The following CCDC174 variants were observed in gnomAD, a reference collection of about 807,000 sequenced individuals.
CCDC174 encodes coiled-coil domain containing 174.
CCDC174 carries 37 observed loss-of-function variants against 57.1 expected under a neutral mutation model. That is an observed-to-expected ratio of 0.65 (90% CI 0.50 to 0.85). CCDC174 has a LOEUF of 0.85. Ranked by LOEUF, CCDC174 falls within the 40% of genes least tolerant of loss-of-function variation. The pLI is 0.00. For missense variants in CCDC174, 540 were observed against 574.3 expected, an observed-to-expected ratio of 0.94 and a Z score of 0.61; for synonymous variants, 182 against 190.2, an observed-to-expected ratio of 0.96 and a Z score of 0.35.
intron 5 of CCDC174, among the ~76,000 whole-genome samples, chr3:14,664,782 C>T (rs2031259984): frequency 6.6e-6 from 1 of 152,186 alleles, no homozygotes; most frequent in Non-Finnish European, 1.5e-5. Context: ...TCTGTGAGAT[C>T]AAAGGCATAA....
chr3:14,670,131 GA>G, intron 10 of CCDC174, 45 bp downstream of exon 10: 1 of 1,565,028 alleles, frequency 6.4e-7, no homozygotes, highest in South Asian at 1.2e-5. Flanking sequence ...CCAGTGAATG[GA>G]AAATGGTTTT....
chr3:14,654,445 A>C lies in CCDC174; in HGVS notation c.62A>C (p.Glu21Ala). 1.9e-6 allele frequency: 3 copies of C among 1,604,212 alleles called. No homozygotes were observed. Among genetic ancestry groups the C allele is most frequent in the Non-Finnish European group, 1.7e-6 (2 of 1,174,604 alleles). The stretch of plus-strand genomic sequence containing the variant: ...TTCTAGTTGGTAGATCTTAAGGCTG[A>C]ACTCTTCCGAAAGCAAGAAGAATTC... ...TASSLVDLKA[E>A]LFRKQEEFKQ... is the part of the protein sequence containing the mutation. Residue 21 changes from glutamate (E) to alanine (A), a missense_variant, in exon 2 of 11, where the codon GAA becomes GCA. Coordinates refer to ENST00000383794, the MANE Select transcript of CCDC174 (RefSeq NM_016474.5).
chr3:14,659,938 A>G (rs1275253309), intron 4 of CCDC174, among the ~76,000 whole-genome samples: 2 of 152,184 alleles, frequency 1.3e-5, no homozygotes, highest in Non-Finnish European at 2.9e-5. Context: ...CACCTAGCCT[A>G]GCATGGCTGG....
chr3:14,651,986 C>A, intron 1 of CCDC174, 108 bp downstream of exon 1: 1 of 1,090,082 alleles, frequency 9.2e-7, no homozygotes, highest in Non-Finnish European at 1.4e-6. Context: ...AGAGACCTGA[C>A]CTCTCCCCTC....
At chr3:14,669,098 A>G (rs987681139) in intron 9 of CCDC174, among the ~76,000 whole-genome samples, 12 of 152,130 alleles carry the variant, frequency 7.9e-5, no homozygotes, top group African/African-American at 2.7e-4. Context: ...GCCACACCTC[A>G]CTGTAGGAGA....
chr3:14,655,081 C>G lies in CCDC174; in HGVS notation c.148-448C>G, dbSNP rs553756674. 3.9e-5 allele frequency among the ~76,000 whole-genome samples: 6 copies of G among 152,264 alleles called. No individual in the cohort carries two copies. In the South Asian group the frequency reaches 1.2e-3, roughly 32 times the overall value. On this transcript the variant is annotated intron_variant, in intron 2 of 10. Transcript: ENST00000383794. ...CTCTAATCCCATCTCTTTGGAAGGC[C>G]GAGGCAGGCAGATCACTTGACCCCA...
In CCDC174 at chr3:14,655,639, T is replaced by A. The variant is rs759004491; in HGVS notation, c.248+10T>A. The A allele has an allele frequency of 1.9e-6, 3 of 1,547,044 alleles. No homozygotes were observed. The highest frequency in any genetic ancestry group is 2.3e-5 in the South Asian group (2 of 86,274). ...CTTTAGACAAAGCAAGGTAAAGTTA[T>A]AAGCTCTGGTAAATATAGTTAGCTT... On this transcript the variant is annotated intron_variant, in intron 3 of 10. Coordinates refer to ENST00000383794, the MANE Select transcript of CCDC174 (RefSeq NM_016474.5).
At chr3:14,659,738 C>T (rs2031065926) in intron 4 of CCDC174, among the ~76,000 whole-genome samples, 2 of 152,074 alleles carry the variant, frequency 1.3e-5, no homozygotes, top group East Asian at 1.9e-4. Context: ...TCATATCCCC[C>T]AGAAAAAACC....
intron 3 of CCDC174, among the ~76,000 whole-genome samples, chr3:14,656,121 G>A (rs1039123016): frequency 2.6e-5 from 4 of 152,084 alleles, no homozygotes; most frequent in Middle Eastern, 3.4e-3. Flanking sequence ...CCTGTAAGTC[G>A]TTCAGCCTAT....
intron 6 of CCDC174, among the ~76,000 whole-genome samples, chr3:14,666,037 C>CAAAAAAAAAA (rs71038422): frequency 3.5e-5 from 3 of 84,802 alleles, no homozygotes; most frequent in African/African-American, 1.4e-4. Context: ...GACTCCGTCT[C>CAAAAAAAAAA]AAAAAAAAAA....
At chr3:14,659,495 CG>C (rs2031059899) in intron 4 of CCDC174, among the ~76,000 whole-genome samples, 1 of 151,954 alleles carries the variant, frequency 6.6e-6, no homozygotes, top group Admixed American at 6.6e-5. Context: ...GAGACCAGCC[CG>C]GGCAACATGG....
rs1159016285 is a variant in CCDC174 at position 14,671,281 on chromosome 3, C to T, written c.*87C>T. ...AAATAACTTTAGGAACTGAATTGTA[C>T]CTTTGTCCTGTCCTTTCCCTAGGAG... On this transcript the variant is annotated 3_prime_UTR_variant, in exon 11 of 11. Transcript: ENST00000383794. 4 of 1,340,730 alleles carry T rather than the reference C, an allele frequency of 3.0e-6. No homozygotes were observed. In the East Asian group the frequency reaches 7.0e-5, roughly 23 times the overall value. 83.1% of individuals were successfully genotyped at this position (1,340,730 alleles called of 1,614,324 possible).
chr3:14,661,333 T>C (rs1173025188), intron 4 of CCDC174, among the ~76,000 whole-genome samples, 197 bp from the exon 5 acceptor site: 1 of 118,160 alleles, frequency 8.5e-6, no homozygotes, highest in Non-Finnish European at 2.1e-5. Flanking sequence ...ACTTTAGGCT[T>C]TTTCAAGATT....
rs770353391 is a variant in CCDC174, at chr3:14,651,921, C to T, written c.42+43C>T. On this transcript the variant is annotated intron_variant, in intron 1 of 10. Coordinates refer to ENST00000383794, the MANE Select transcript of CCDC174 (RefSeq NM_016474.5). The stretch of plus-strand genomic sequence containing the variant: ...GTAACTCCACGGGCTCCGGGTTCAC[C>T]GTGTCTCCATCAGACAAGAATGTCG... 2.4e-5 allele frequency: 39 copies of T among 1,593,008 alleles called. No homozygotes were observed. In the South Asian group the frequency reaches 3.3e-4, roughly 14 times the overall value.
In CCDC174 at chr3:14,655,597, G is replaced by C. The variant is rs777541132; in HGVS notation, c.216G>C (p.Lys72Asn). The C allele has an allele frequency of 6.2e-7, 1 of 1,610,086 alleles. No individual in the cohort carries two copies. Among genetic ancestry groups the C allele is most frequent in the African/African-American group, 1.3e-5 (1 of 74,810 alleles). ...SNRAEKDAEQ[K>N]IEEQKTLDKA... ...GAGCTGAGAAGGATGCTGAACAGAA[G>C]ATTGAAGAACAGAAGACTTTAGACA... The change falls in exon 3 of 11, where the codon AAG becomes AAC. Residue 72 changes from lysine to asparagine, a missense_variant. By Grantham distance (94) the Lys-to-Asn change is moderately conservative. Coordinates refer to ENST00000383794, the MANE Select transcript of CCDC174 (RefSeq NM_016474.5).
intron 7 of CCDC174, chr3:14,667,209 C>T (rs2031371177): frequency 1.6e-6 from 1 of 613,518 alleles, no homozygotes; most frequent in South Asian, 2.1e-5. Context: ...GCAAACGAAC[C>T]CTTGTTATGC....
intron 1 of CCDC174, among the ~76,000 whole-genome samples, chr3:14,652,319 T>C (rs895604561): frequency 6.6e-6 from 1 of 152,202 alleles, no homozygotes; most frequent in Non-Finnish European, 1.5e-5. Flanking sequence ...GTGTGACATA[T>C]TTCGCAGGAC....
At chr3:14,660,204 T>TA (rs2031084366) in intron 4 of CCDC174, among the ~76,000 whole-genome samples, 2 of 152,356 alleles carry the variant, frequency 1.3e-5, no homozygotes, top group Middle Eastern at 3.4e-3. Flanking sequence ...TTCATGGTTT[T>TA]AAAAAATAAG....
At chr3:14,658,386 T>A (rs1222191958) in intron 3 of CCDC174, among the ~76,000 whole-genome samples, 1 of 152,236 alleles carries the variant, frequency 6.6e-6, no homozygotes, top group Non-Finnish European at 1.5e-5. Flanking sequence ...GGCTTCTCTT[T>A]ACCATCATTA....
Sources: gnomAD v4.1 joint callset for allele counts (sites outside exome capture counted in the v4.1 genomes callset) on GRCh38, gnomAD v4.1.1 for gene constraint, MANE v1.5 for transcripts, NCBI Gene and HGNC (gene_info 2026-07-23, HGNC 2026-07-21) for gene names.